PACSIN1: variants seen among roughly 807,000 people sequenced by gnomAD.
PACSIN1 encodes the protein protein kinase C and casein kinase substrate in neurons protein 1.
PACSIN1 carries 15 observed loss-of-function variants against 59.5 expected under a neutral mutation model. The ratio of observed to expected loss-of-function variants is 0.25; its 90% CI spans 0.17 to 0.39. The LOEUF (loss-of-function observed/expected upper bound fraction) is 0.39, where lower values mean the gene tolerates loss of function less well. PACSIN1 is among the 10% of genes least tolerant of loss of function. PACSIN1 has a pLI of 1.00. For synonymous variants in PACSIN1, 210 were observed against 220.6 expected (o/e 0.95, Z 0.42); for missense variants, 420 against 580.2 (o/e 0.72, Z 2.84).
At chr6:34,512,259 G>A (rs1420450864) in intron 1 of PACSIN1, among the ~76,000 whole-genome samples, 5 of 149,532 alleles carry the variant, frequency 3.3e-5, no homozygotes, top group African/African-American at 1.2e-4. Context: ...GAAGGGGTCA[G>A]CTTCTTCCAC....
chr6:34,532,425 C>T lies in PACSIN1; in HGVS notation c.1230C>T (p.Asp410=), dbSNP rs1035752345. The change falls in exon 10 of 10, where the codon GAC becomes GAT. Residue 410 remains aspartate, a synonymous_variant. Coordinates refer to ENST00000244458, the MANE Select transcript of PACSIN1 (RefSeq NM_020804.5). This position sits in a 1 kb window ranked among gnomAD's most constrained non-coding sequence, Gnocchi z 5.2. ...EQDELSFKAG[D]ELTKLGEEDE... is the part of the protein sequence containing the mutation. The stretch of plus-strand genomic sequence containing the variant: ...TCCCTGTGTTCTCTTTCCCAGGAGA[C>T]GAACTCACCAAGCTGGGCGAGGAGG... The T allele has an allele frequency of 6.4e-7, 1 of 1,566,242 alleles. No individual in the cohort carries two copies. The highest frequency in any genetic ancestry group is 1.4e-5 in the African/African-American group (1 of 73,854).
intron 1 of PACSIN1, among the ~76,000 whole-genome samples, chr6:34,475,108 A>G (rs1766620406): frequency 6.6e-6 from 1 of 152,102 alleles, no homozygotes; most frequent in African/African-American, 2.4e-5. Flanking sequence ...TCATCTTCAT[A>G]GCACTTATCC....
In PACSIN1 at chr6:34,532,607, G is replaced by A. The variant is rs1255402765; in HGVS notation, c.*77G>A. The A allele has an allele frequency of 6.6e-6, 5 of 752,802 alleles. No homozygotes were observed. Among genetic ancestry groups the A allele is most frequent in the African/African-American group, 3.6e-5 (2 of 55,594 alleles). 46.6% of individuals were successfully genotyped at this position (752,802 alleles called of 1,614,324 possible). ...CTCCCACTCTCGTCTCCTTCCCCTC[G>A]CCATAGAGTTCCAGACATATTTTCC... On this transcript the variant is annotated 3_prime_UTR_variant, in exon 10 of 10. Transcript: ENST00000244458. This position sits in a 1 kb window ranked among gnomAD's most constrained non-coding sequence, Gnocchi z 5.2.
In PACSIN1 at chr6:34,515,664, T is replaced by A. The variant is rs1767279000; in HGVS notation, c.-63-10579T>A. ...CGTTCTCCCTGGAGACTTAGTGAAC[T>A]GTCCCCAATCCCAGATCTCCCAAAG... On this transcript the variant is annotated intron_variant, in intron 1 of 9. Coordinates refer to ENST00000244458, the MANE Select transcript of PACSIN1 (RefSeq NM_020804.5). This position sits in a 1 kb window ranked among gnomAD's most constrained non-coding sequence, Gnocchi z 4.4. 6.6e-6 allele frequency among the ~76,000 whole-genome samples: 1 copy of A among 152,162 alleles called. No individual in the cohort carries two copies. Among genetic ancestry groups the A allele is most frequent in the Admixed American group, 6.5e-5 (1 of 15,286 alleles).
At chr6:34,496,805 G>A (rs1339081965) in intron 1 of PACSIN1, among the ~76,000 whole-genome samples, 1 of 152,040 alleles carries the variant, frequency 6.6e-6, no homozygotes, top group East Asian at 1.9e-4. Context: ...CATAGGCTTT[G>A]GAGCTGGATA....
chr6:34,488,998 T>C lies in PACSIN1; in HGVS notation c.-64+22728T>C, dbSNP rs950050961. 2.0e-5 allele frequency among the ~76,000 whole-genome samples: 3 copies of C among 151,882 alleles called. No individual in the cohort carries two copies. The highest frequency in any genetic ancestry group is 2.9e-5 in the Non-Finnish European group (2 of 67,980). On this transcript the variant is annotated intron_variant, in intron 1 of 9. Transcript: ENST00000244458. This position sits in a 1 kb window ranked among gnomAD's most constrained non-coding sequence, Gnocchi z 4.7. ...AAGTTCGAGACCAGCCTGGGCAACA[T>C]GGTGAAACCCTGTCTCTACTAAAAA...
chr6:34,475,469 T>C (rs1339173011), intron 1 of PACSIN1, among the ~76,000 whole-genome samples: 3 of 152,212 alleles, frequency 2.0e-5, no homozygotes, highest in Admixed American at 2.0e-4. Flanking sequence ...AAGATTTGCT[T>C]ACAGCTAGGA....
chr6:34,468,222 G>C lies in PACSIN1; in HGVS notation c.-64+1952G>C, dbSNP rs927461712. ...GAGGAGCAAACCCACTTCAGAGGAAGAGGCTGCCAACAAGGGTTCTGGCTT... is the reference window on the plus strand; with the variant it reads ...GAGGAGCAAACCCACTTCAGAGGAACAGGCTGCCAACAAGGGTTCTGGCTT... On this transcript the variant is annotated intron_variant, in intron 1 of 9. Coordinates refer to ENST00000244458, the MANE Select transcript of PACSIN1 (RefSeq NM_020804.5). Among the ~76,000 whole-genome samples the C allele has an allele frequency of 3.9e-5, 6 of 152,300 alleles. No homozygotes were observed. The East Asian group carries it at 1.2e-3, about 29-fold the overall frequency.
intron 1 of PACSIN1, among the ~76,000 whole-genome samples, chr6:34,505,419 G>T (rs35953293): frequency 0.073 from 11,022 of 151,496 alleles, 580 homozygotes; most frequent in Middle Eastern, 0.13. Context: ...TTCTTTGAAT[G>T]TTTTTTCAGC....
chr6:34,482,541 C>T (rs1010421568), intron 1 of PACSIN1, among the ~76,000 whole-genome samples: 1 of 152,024 alleles, frequency 6.6e-6, no homozygotes, highest in African/African-American at 2.4e-5. Context: ...TGAGTTGTTT[C>T]CACTTTTTTG....
chr6:34,496,118 G>A (rs1242145814), intron 1 of PACSIN1, among the ~76,000 whole-genome samples: 1 of 152,226 alleles, frequency 6.6e-6, no homozygotes, highest in Non-Finnish European at 1.5e-5. Context: ...TTGTGCCATA[G>A]GACTAAAGGC....
chr6:34,513,566 G>A (rs1175062723), intron 1 of PACSIN1, among the ~76,000 whole-genome samples: 2 of 152,166 alleles, frequency 1.3e-5, no homozygotes, highest in Non-Finnish European at 2.9e-5. Flanking sequence ...CAGAAGTCTA[G>A]AAGCCTGTGT....
At chr6:34,495,045 A>G (rs1015499657) in intron 1 of PACSIN1, among the ~76,000 whole-genome samples, 5 of 152,060 alleles carry the variant, frequency 3.3e-5, no homozygotes, top group African/African-American at 1.2e-4. Flanking sequence ...AAGCACCTCT[A>G]TTCCCTCCCT....
At chr6:34,495,582 A>G (rs1766935862) in intron 1 of PACSIN1, among the ~76,000 whole-genome samples, 1 of 151,688 alleles carries the variant, frequency 6.6e-6, no homozygotes, top group South Asian at 2.1e-4. Flanking sequence ...CCTCCTGAGT[A>G]GCTGGGATTA....
intron 1 of PACSIN1, among the ~76,000 whole-genome samples, chr6:34,504,107 C>A (rs1016132890): frequency 2.6e-5 from 4 of 151,966 alleles, no homozygotes; most frequent in African/African-American, 4.8e-5. Context: ...CCATTCACAG[C>A]CTGCTGGTGT....
At chr6:34,491,529 C>T (rs961609351) in intron 1 of PACSIN1, among the ~76,000 whole-genome samples, 1 of 151,936 alleles carries the variant, frequency 6.6e-6, no homozygotes, top group Non-Finnish European at 1.5e-5. Context: ...GCAGGAGGGT[C>T]GCTGCTGGGA....
Position 34,530,231 on chromosome 6 carries a change from C to T in PACSIN1, c.789-12C>T. On this transcript the variant is annotated splice_polypyrimidine_tract_variant and intron_variant, in intron 6 of 9. Transcript: ENST00000244458. The surrounding 1 kb of genome is among the most constrained non-coding windows in gnomAD (Gnocchi z 4.4). ...TCTGTGCCCTCCACCTCCCCCATCT[C>T]CCTGAGCACAGCTACATCCATGTGT... is the stretch of plus-strand genomic sequence containing the variant. 1 of 1,606,090 alleles carries T rather than the reference C, an allele frequency of 6.2e-7. No homozygotes were observed. The highest frequency in any genetic ancestry group is 8.5e-7 in the Non-Finnish European group (1 of 1,174,366).
chr6:34,505,992 T>TATCA (rs1767106255), intron 1 of PACSIN1, among the ~76,000 whole-genome samples: 1 of 152,194 alleles, frequency 6.6e-6, no homozygotes, highest in Non-Finnish European at 1.5e-5. Context: ...TCTAAAATTC[T>TATCA]ATCAGTTTGG....
At position 34,482,828 on chromosome 6, in the gene PACSIN1, C is replaced by A. The variant is rs998837902; in HGVS notation, c.-64+16558C>A. 1.1e-4 allele frequency among the ~76,000 whole-genome samples: 17 copies of A among 151,574 alleles called. No individual in the cohort carries two copies. The East Asian group carries it at 3.3e-3, about 29-fold the overall frequency. On this transcript the variant is annotated intron_variant, in intron 1 of 9. Coordinates refer to ENST00000244458, the MANE Select transcript of PACSIN1 (RefSeq NM_020804.5). Reference sequence around the variant, plus strand: ...CCTCCTGAGTAGCTGGGATTACAGGCGCCTGCCGCCACACCCAGCTAATTT... The same window carrying A: ...CCTCCTGAGTAGCTGGGATTACAGGAGCCTGCCGCCACACCCAGCTAATTT...
Sources: allele counts gnomAD v4.1 joint callset (sites outside exome capture counted in the v4.1 genomes callset), GRCh38; gene constraint gnomAD v4.1.1; non-coding constraint Gnocchi (gnomAD v3.1); transcripts MANE v1.5; gene names NCBI Gene and HGNC (gene_info 2026-07-23, HGNC 2026-07-21).